OSBPL8: variants seen among roughly 807,000 people sequenced by gnomAD.
OSBPL8 encodes the protein oxysterol-binding protein-related protein 8.
In OSBPL8, 59 loss-of-function variants were observed where a neutral mutation model predicts 125.5. The observed-to-expected ratio is 0.47, with a 90% CI of 0.38 to 0.58. OSBPL8 has a LOEUF of 0.58. Among genes scored for constraint, OSBPL8 ranks in the 20% least tolerant of loss-of-function variants. The pLI is 0.00. For missense variants in OSBPL8, 758 were observed against 1,047.8 expected (o/e 0.72, Z 3.82); for synonymous variants, 330 against 338.9 (o/e 0.97, Z 0.29).
At chr12:76,460,950 A>G (rs1202265657) in intron 2 of OSBPL8, among the ~76,000 whole-genome samples, 2 of 152,200 alleles carry the variant, frequency 1.3e-5, no homozygotes, top group Admixed American at 1.3e-4. Flanking sequence ...TCCTTGAATA[A>G]AATCTTGGAC....
chr12:76,434,976 T>C (rs1333561089), intron 4 of OSBPL8, among the ~76,000 whole-genome samples: 2 of 152,168 alleles, frequency 1.3e-5, no homozygotes, highest in African/African-American at 4.8e-5. Context: ...ATAGAATTAC[T>C]GTATGATCCA....
At chr12:76,533,539 T>C (rs1162104263) in intron 1 of OSBPL8, among the ~76,000 whole-genome samples, 1 of 152,202 alleles carries the variant, frequency 6.6e-6, no homozygotes. Context: ...CTGAAGTCTT[T>C]ATGAGGCAAA....
At chr12:76,457,263 G>A (rs760390248) in intron 3 of OSBPL8, among the ~76,000 whole-genome samples, 3 of 152,108 alleles carry the variant, frequency 2.0e-5, no homozygotes, top group Non-Finnish European at 4.4e-5. Context: ...ATGTAGTTAC[G>A]ATTTAATATT....
At chr12:76,471,931 G>C (rs1191398676) in intron 2 of OSBPL8, among the ~76,000 whole-genome samples, 1 of 152,140 alleles carries the variant, frequency 6.6e-6, no homozygotes, top group African/African-American at 2.4e-5. Context: ...GCATTACCTT[G>C]TCTTAAAAAA....
chr12:76,354,886 G>A lies in OSBPL8; in HGVS notation c.*1003C>T, dbSNP rs1951928904. ...GCACACATAAAGGCCACCACAAAGTGTCTTTTCTTATTGCCTCTTTTTGGC... is the reference window on the plus strand; with the variant it reads ...GCACACATAAAGGCCACCACAAAGTATCTTTTCTTATTGCCTCTTTTTGGC... On this transcript the variant is annotated 3_prime_UTR_variant, in exon 24 of 24. Transcript: ENST00000261183. The A allele has an allele frequency of 6.6e-6, 1 of 151,924 alleles. No homozygotes were observed. The highest frequency in any genetic ancestry group is 2.4e-5 in the African/African-American group (1 of 41,420). The allele number at this position is 151,924 out of a possible 1,614,324, so 9.4% of individuals were successfully genotyped here.
chr12:76,545,361 G>GA (rs1950755619), intron 1 of OSBPL8, among the ~76,000 whole-genome samples: 2 of 151,936 alleles, frequency 1.3e-5, no homozygotes, highest in African/African-American at 2.4e-5. Flanking sequence ...TAAGATACTA[G>GA]GAAAAAATTA....
intron 4 of OSBPL8, among the ~76,000 whole-genome samples, chr12:76,440,795 C>G (rs1218855271): frequency 6.6e-6 from 1 of 152,138 alleles, no homozygotes; most frequent in Non-Finnish European, 1.5e-5. Context: ...GGGCCACAGT[C>G]TTTTACTCCT....
At chr12:76,484,516 G>C (rs575074164) in intron 2 of OSBPL8, among the ~76,000 whole-genome samples, 10 of 152,180 alleles carry the variant, frequency 6.6e-5, no homozygotes, top group African/African-American at 1.7e-4. Flanking sequence ...CCTTGTAATA[G>C]GCACTTCATA....
intron 2 of OSBPL8, among the ~76,000 whole-genome samples, chr12:76,460,495 CAAAAAAA>C (rs912554875): frequency 1.3e-4 from 9 of 69,392 alleles, no homozygotes; most frequent in African/African-American, 1.7e-4. Flanking sequence ...TCTCAATTGG[CAAAAAAA>C]AAAAAAAAAA....
intron 1 of OSBPL8, among the ~76,000 whole-genome samples, chr12:76,526,668 T>A (rs1950186035): frequency 1.1e-5 from 1 of 92,302 alleles, no homozygotes; most frequent in Non-Finnish European, 2.3e-5. Flanking sequence ...TTTTTTTTTT[T>A]GAGACAGGGT....
chr12:76,400,126 G>A, intron 6 of OSBPL8, 152 bp from the exon 7 acceptor site: 1 of 590,536 alleles, frequency 1.7e-6, no homozygotes, highest in Non-Finnish European at 2.9e-6. Context: ...ATTAAGCCTA[G>A]TACCCATTAG....
intron 18 of OSBPL8, chr12:76,372,012 T>G (rs1383756463): frequency 6.5e-6 from 1 of 154,202 alleles, no homozygotes; most frequent in Non-Finnish European, 1.4e-5. Context: ...TTTACTAGCA[T>G]TAAAAATTTG....
At chr12:76,364,499 G>A (rs893893630) in intron 21 of OSBPL8, among the ~76,000 whole-genome samples, 6 of 152,114 alleles carry the variant, frequency 3.9e-5, no homozygotes, top group South Asian at 2.1e-4. Context: ...GGGACCTGTC[G>A]GTGGGTGGGA....
intron 4 of OSBPL8, among the ~76,000 whole-genome samples, chr12:76,439,011 T>C (rs1871847456): frequency 6.6e-6 from 1 of 152,190 alleles, no homozygotes; most frequent in South Asian, 2.1e-4. Context: ...TTTCACCAAC[T>C]ACAGGCTATA....
At chr12:76,356,837 A>C (rs1952006325) in intron 22 of OSBPL8, 109 bp from the exon 23 acceptor site, 2 of 648,760 alleles carry the variant, frequency 3.1e-6, no homozygotes, top group Non-Finnish European at 5.2e-6. Context: ...TGTAGCCTAG[A>C]GATTAGCATA....
At chr12:76,494,939 G>A (rs927158465) in intron 1 of OSBPL8, among the ~76,000 whole-genome samples, 23 of 152,032 alleles carry the variant, frequency 1.5e-4, no homozygotes, top group Non-Finnish European at 1.9e-4. Flanking sequence ...AGACCACCAG[G>A]GAGTAGATAC....
chr12:76,405,774 C>T (rs1053209946), intron 5 of OSBPL8, among the ~76,000 whole-genome samples: 1 of 152,168 alleles, frequency 6.6e-6, no homozygotes, highest in Non-Finnish European at 1.5e-5. Context: ...GTTTACTAAA[C>T]TAAGTTTCCC....
At chr12:76,359,082 A>G (rs142494188) in intron 21 of OSBPL8, among the ~76,000 whole-genome samples, 200 of 152,324 alleles carry the variant, frequency 1.3e-3, no homozygotes, top group African/African-American at 4.4e-3. Context: ...GGTACCCATC[A>G]CTATTAGTTT....
At chr12:76,370,449 C>T (rs1426035747) in intron 19 of OSBPL8, among the ~76,000 whole-genome samples, 1 of 152,128 alleles carries the variant, frequency 6.6e-6, no homozygotes, top group Non-Finnish European at 1.5e-5. Flanking sequence ...CTATATCCTA[C>T]CCATCTAGAA....
Sources: gnomAD v4.1 joint callset for allele counts (sites outside exome capture counted in the v4.1 genomes callset) on GRCh38, gnomAD v4.1.1 for gene constraint, MANE v1.5 for transcripts, NCBI Gene and HGNC (gene_info 2026-07-23, HGNC 2026-07-21) for gene names.